ELMO1: variants seen among roughly 807,000 people sequenced by gnomAD.
ELMO1 encodes the protein engulfment and cell motility protein 1.
A neutral mutation model predicts 98.9 loss-of-function variants in ELMO1; 26 were observed. The observed-to-expected ratio is 0.26, with a 90% CI of 0.19 to 0.36. ELMO1 has a LOEUF of 0.36. Ranked by LOEUF, ELMO1 falls within the 10% of genes least tolerant of loss-of-function variation. The pLI is 1.00. For synonymous variants in ELMO1, 346 were observed against 346.0 expected, an observed-to-expected ratio of 1.00 and a Z score of 0.00; for missense variants, 627 against 935.2, an observed-to-expected ratio of 0.67 and a Z score of 4.30.
At chr7:37,318,105 T>C (rs1799300500) in intron 2 of ELMO1, among the ~76,000 whole-genome samples, 1 of 152,238 alleles carries the variant, frequency 6.6e-6, no homozygotes, top group African/African-American at 2.4e-5. Flanking sequence ...TGGGTTCTAC[T>C]GTAGTTACAT....
chr7:37,141,687 C>T (rs1787651824), intron 13 of ELMO1, among the ~76,000 whole-genome samples: 1 of 152,118 alleles, frequency 6.6e-6, no homozygotes, highest in Non-Finnish European at 1.5e-5. Context: ...TATGAAATAA[C>T]ATACTTTCAT....
intron 18 of ELMO1, among the ~76,000 whole-genome samples, chr7:36,883,963 T>C (rs550581729): frequency 5.9e-5 from 9 of 152,206 alleles, no homozygotes; most frequent in African/African-American, 2.2e-4. Flanking sequence ...ATGTATAAGC[T>C]TGGGGAGAGA....
At chr7:37,068,023 C>T (rs1320675734) in intron 15 of ELMO1, among the ~76,000 whole-genome samples, 1 of 152,140 alleles carries the variant, frequency 6.6e-6, no homozygotes, top group Non-Finnish European at 1.5e-5. Flanking sequence ...AGACCAAATA[C>T]TGGGCTAAGA....
intron 1 of ELMO1, chr7:37,375,435 T>C (rs1167277508): frequency 3.2e-6 from 2 of 627,052 alleles, no homozygotes; most frequent in Non-Finnish European, 2.9e-6. Context: ...TGCCCAGGAA[T>C]AGCAAGGGCA....
intron 14 of ELMO1, chr7:37,116,977 G>C (rs1785642344): frequency 4.7e-6 from 1 of 212,994 alleles, no homozygotes; most frequent in African/African-American, 2.3e-5. Flanking sequence ...GGCCCAGTGA[G>C]AGGCATCTCC....
At chr7:37,178,705 G>A (rs1024963008) in intron 13 of ELMO1, among the ~76,000 whole-genome samples, 4 of 152,130 alleles carry the variant, frequency 2.6e-5, no homozygotes, top group African/African-American at 7.2e-5. Flanking sequence ...CAGGAGAGAC[G>A]TACCTCCTCA....
At chr7:37,273,097 T>G (rs1022952645) in intron 4 of ELMO1, among the ~76,000 whole-genome samples, 3 of 152,250 alleles carry the variant, frequency 2.0e-5, no homozygotes, top group African/African-American at 4.8e-5. Flanking sequence ...TGATTCCTTT[T>G]GCATGTTGCC....
chr7:37,229,428 A>C (rs1794044802), intron 8 of ELMO1, among the ~76,000 whole-genome samples: 1 of 152,220 alleles, frequency 6.6e-6, no homozygotes, highest in Non-Finnish European at 1.5e-5. Context: ...TGCAGCCAAA[A>C]TTTGTAAACC....
chr7:37,083,754 G>C (rs1783608934), intron 15 of ELMO1, among the ~76,000 whole-genome samples: 1 of 152,226 alleles, frequency 6.6e-6, no homozygotes, highest in Non-Finnish European at 1.5e-5. Context: ...AGACCTGCCA[G>C]CTGGAGCTGC....
At chr7:37,355,011 C>G (rs1801437987) in intron 1 of ELMO1, among the ~76,000 whole-genome samples, 1 of 152,204 alleles carries the variant, frequency 6.6e-6, no homozygotes, top group Non-Finnish European at 1.5e-5. Context: ...CCTGACAACC[C>G]TCGTACACAG....
chr7:37,052,450 A>C (rs1796158375), intron 15 of ELMO1, among the ~76,000 whole-genome samples: 1 of 152,214 alleles, frequency 6.6e-6, no homozygotes, highest in Non-Finnish European at 1.5e-5. Flanking sequence ...CAGAGCTCTC[A>C]TCGAACCCTT....
intron 15 of ELMO1, among the ~76,000 whole-genome samples, chr7:37,085,289 A>G (rs1285542564): frequency 6.6e-6 from 1 of 152,194 alleles, no homozygotes. Context: ...AGTGTCTGCA[A>G]AAAGTGTTTT....
chr7:36,928,241 C>T (rs1785736607), intron 16 of ELMO1, among the ~76,000 whole-genome samples: 2 of 152,174 alleles, frequency 1.3e-5, no homozygotes, highest in African/African-American at 4.8e-5. Flanking sequence ...TGTCTCCTGC[C>T]ACCTGTACTT....
chr7:36,994,391 C>T (rs183450851), intron 16 of ELMO1, among the ~76,000 whole-genome samples: 4 of 152,172 alleles, frequency 2.6e-5, no homozygotes, highest in Non-Finnish European at 5.9e-5. Context: ...TACTGGGAAC[C>T]CTCTAGGGCT....
intron 1 of ELMO1, among the ~76,000 whole-genome samples, chr7:37,433,092 A>G (rs1804998433): frequency 6.6e-6 from 1 of 152,202 alleles, no homozygotes; most frequent in Admixed American, 6.5e-5. Flanking sequence ...AGGCTCCTCA[A>G]CAAGTGACCT....
chr7:37,349,418 T>C (rs17171007), intron 1 of ELMO1, among the ~76,000 whole-genome samples: 2,092 of 152,310 alleles, frequency 0.014, 51 homozygotes, highest in African/African-American at 0.048. Context: ...CTCTTGGCAC[T>C]GCTGTCTTCC....
chr7:37,309,993 C>T (rs553559350), intron 4 of ELMO1, among the ~76,000 whole-genome samples: 1 of 152,236 alleles, frequency 6.6e-6, no homozygotes, highest in Admixed American at 6.5e-5. Flanking sequence ...ATGTACAAAT[C>T]CAAGGGAGTG....
At chr7:37,366,517 G>T (rs548853355) in intron 1 of ELMO1, among the ~76,000 whole-genome samples, 18 of 152,204 alleles carry the variant, frequency 1.2e-4, no homozygotes, top group Admixed American at 8.5e-4. Context: ...CCAACACCTA[G>T]AGTTTAGAAC....
At chr7:37,223,461 A>G (rs933799215) in intron 9 of ELMO1, among the ~76,000 whole-genome samples, 2 of 152,210 alleles carry the variant, frequency 1.3e-5, no homozygotes, top group African/African-American at 2.4e-5. Flanking sequence ...CCCAAGGCAC[A>G]GTTACCTCAT....
Sources: gnomAD v4.1 joint callset for allele counts (sites outside exome capture counted in the v4.1 genomes callset) on GRCh38, gnomAD v4.1.1 for gene constraint, MANE v1.5 for transcripts, NCBI Gene and HGNC (gene_info 2026-07-23, HGNC 2026-07-21) for gene names.